EXOC4: variants seen among roughly 807,000 people sequenced by gnomAD.
EXOC4 encodes the protein SEC8-like 1.
EXOC4 carries 71 observed loss-of-function variants against 107.2 expected under a neutral mutation model. The ratio of observed to expected loss-of-function variants is 0.66; its 90% CI spans 0.55 to 0.81. The LOEUF (loss-of-function observed/expected upper bound fraction) is 0.81. Ranked by LOEUF, EXOC4 falls within the 30% of genes least tolerant of loss-of-function variation. The probability of loss-of-function intolerance (pLI) is 0.00; values close to 1 mark genes in which losing one functional copy is unlikely to be tolerated. For missense variants in EXOC4, 1,108 were observed against 1,189.6 expected (o/e 0.93, Z 1.01); for synonymous variants, 456 against 441.2 (o/e 1.03, Z -0.42).
At chr7:133,912,768 T>C (rs1229777238) in intron 12 of EXOC4, among the ~76,000 whole-genome samples, 7 of 152,132 alleles carry the variant, frequency 4.6e-5, no homozygotes, top group African/African-American at 7.2e-5. Flanking sequence ...AAAAGTGTAG[T>C]AGGACCAGTT....
intron 7 of EXOC4, among the ~76,000 whole-genome samples, chr7:133,439,457 A>G (rs887336080): frequency 2.0e-5 from 3 of 152,096 alleles, no homozygotes; most frequent in Non-Finnish European, 4.4e-5. Context: ...TGCTGGGGCT[A>G]CAGGTGTGAG....
At chr7:133,259,265 C>G (rs2150503082) in intron 1 of EXOC4, among the ~76,000 whole-genome samples, 1 of 141,036 alleles carries the variant, frequency 7.1e-6, no homozygotes, top group South Asian at 2.2e-4. Flanking sequence ...CAGAGTCTTG[C>G]TTTGTCACCT....
intron 1 of EXOC4, among the ~76,000 whole-genome samples, chr7:133,258,038 A>G (rs555090005): frequency 3.0e-4 from 46 of 152,244 alleles, no homozygotes; most frequent in African/African-American, 1.1e-3. Context: ...TTCCATCACC[A>G]TCTCTTCTTT....
At chr7:133,359,604 T>G (rs1483641691) in intron 6 of EXOC4, among the ~76,000 whole-genome samples, 1 of 152,178 alleles carries the variant, frequency 6.6e-6, no homozygotes, top group Non-Finnish European at 1.5e-5. Flanking sequence ...AAAACATTAG[T>G]TATTCTGAGA....
intron 17 of EXOC4, among the ~76,000 whole-genome samples, chr7:134,040,301 G>A (rs1229012654): frequency 6.6e-6 from 1 of 152,188 alleles, no homozygotes; most frequent in Non-Finnish European, 1.5e-5. Flanking sequence ...CCTGATAACT[G>A]TTCTTTCTTA....
intron 7 of EXOC4, among the ~76,000 whole-genome samples, chr7:133,387,619 T>A (rs1411930632): frequency 6.6e-6 from 1 of 152,180 alleles, no homozygotes; most frequent in African/African-American, 2.4e-5. Context: ...CCCGCCCCCA[T>A]TTGTTACTTG....
intron 10 of EXOC4, among the ~76,000 whole-genome samples, chr7:133,643,845 C>T (rs1802921739): frequency 6.6e-6 from 1 of 152,202 alleles, no homozygotes; most frequent in South Asian, 2.1e-4. Flanking sequence ...TTACAGTCCT[C>T]ATTTCTGTAA....
intron 17 of EXOC4, among the ~76,000 whole-genome samples, chr7:134,014,498 A>G (rs1585322577): frequency 6.6e-6 from 1 of 152,358 alleles, no homozygotes; most frequent in African/African-American, 2.4e-5. Context: ...ACAGAAAGAC[A>G]TGATGTGCTG....
intron 9 of EXOC4, among the ~76,000 whole-genome samples, chr7:133,483,782 C>G (rs1341612886): frequency 1.3e-5 from 2 of 152,114 alleles, no homozygotes; most frequent in Non-Finnish European, 2.9e-5. Flanking sequence ...AACATTTCAA[C>G]AGGAAAAAAG....
At chr7:133,462,847 A>G (rs1009253232) in intron 7 of EXOC4, among the ~76,000 whole-genome samples, 1 of 152,200 alleles carries the variant, frequency 6.6e-6, no homozygotes, top group Non-Finnish European at 1.5e-5. Flanking sequence ...ATCAACTGGT[A>G]ATGATATAAA....
At chr7:133,820,246 C>G (rs1797485601) in intron 11 of EXOC4, among the ~76,000 whole-genome samples, 1 of 144,196 alleles carries the variant, frequency 6.9e-6, no homozygotes, top group Non-Finnish European at 1.5e-5. Flanking sequence ...TTATTTAAAC[C>G]ATATCACTAA....
At position 133,955,124 on chromosome 7, in the gene EXOC4, T is replaced by C. The variant is rs556376114; in HGVS notation, c.2206+17055T>C. ...GCAAGGGGAGTGTCTCAGCCCTGTT[T>C]ATGTTATACCTCTTTTAGCCCTGCC... On this transcript the variant is annotated intron_variant, in intron 14 of 17. Coordinates refer to ENST00000253861, the MANE Select transcript of EXOC4 (RefSeq NM_021807.4). Among the ~76,000 whole-genome samples, 6 of 152,350 alleles carry C rather than the reference T, an allele frequency of 3.9e-5. No individual in the cohort carries two copies. In the South Asian group the frequency reaches 1.2e-3, roughly 32 times the overall value.
In EXOC4 at chr7:133,438,362, T is replaced by C. The variant is rs146433660; in HGVS notation, c.1183-36966T>C. Among the ~76,000 whole-genome samples the C allele has an allele frequency of 2.4e-3, 366 of 152,332 alleles. 5 individuals are homozygous for C. The highest frequency in any genetic ancestry group is 8.2e-3 in the African/African-American group (341 of 41,576). On this transcript the variant is annotated intron_variant, in intron 7 of 17. Transcript: ENST00000253861. ...TTTAAATAGTTCTTATATTAGTTTT[T>C]AAGTAACTTTCCCCTGGTTTTTCCT...
At chr7:133,710,488 G>A (rs962573206) in intron 10 of EXOC4, among the ~76,000 whole-genome samples, 15 of 151,588 alleles carry the variant, frequency 9.9e-5, no homozygotes, top group Admixed American at 1.3e-4. Flanking sequence ...GTGAAACCCC[G>A]TCTCTACTAA....
At chr7:133,710,528 C>T (rs1350786504) in intron 10 of EXOC4, among the ~76,000 whole-genome samples, 2 of 150,460 alleles carry the variant, frequency 1.3e-5, no homozygotes, top group Non-Finnish European at 3.0e-5. Context: ...GGCGTAGTGG[C>T]GGGCGCCTGT....
intron 17 of EXOC4, among the ~76,000 whole-genome samples, chr7:134,013,427 G>A (rs999465167): frequency 3.3e-5 from 5 of 152,172 alleles, no homozygotes; most frequent in African/African-American, 1.2e-4. Context: ...CAGCCAACAG[G>A]AGCCTAGGAG....
intron 10 of EXOC4, among the ~76,000 whole-genome samples, chr7:133,687,195 A>G (rs1441060454): frequency 6.6e-6 from 1 of 152,048 alleles, no homozygotes; most frequent in Non-Finnish European, 1.5e-5. Flanking sequence ...CAAAAATGGG[A>G]GCTAAGCTAT....
At chr7:133,445,108 T>A (rs965026212) in intron 7 of EXOC4, among the ~76,000 whole-genome samples, 2 of 152,186 alleles carry the variant, frequency 1.3e-5, no homozygotes, top group Admixed American at 6.5e-5. Context: ...TCCTGTCATG[T>A]ACTTGATGGC....
intron 17 of EXOC4, among the ~76,000 whole-genome samples, chr7:134,030,279 G>A (rs1319758889): frequency 6.6e-6 from 1 of 152,180 alleles, no homozygotes; most frequent in Non-Finnish European, 1.5e-5. Context: ...ACATACAAAT[G>A]TTTATAGCAG....
Sources: gnomAD v4.1 joint callset for allele counts (sites outside exome capture counted in the v4.1 genomes callset) on GRCh38, gnomAD v4.1.1 for gene constraint, MANE v1.5 for transcripts, NCBI Gene and HGNC (gene_info 2026-07-23, HGNC 2026-07-21) for gene names.